ADAM12: variants seen among roughly 807,000 people sequenced by gnomAD.
The protein encoded by ADAM12 is ADAM metallopeptidase domain 12, also known as disintegrin and metalloproteinase domain-containing protein 12.
A neutral mutation model predicts 106.4 loss-of-function variants in ADAM12; 70 were observed. The ratio of observed to expected loss-of-function variants is 0.66; its 90% CI spans 0.54 to 0.80. ADAM12 has a LOEUF of 0.80. ADAM12 is among the 30% of genes least tolerant of loss of function. The pLI is 0.00. For synonymous variants in ADAM12, 420 were observed against 433.5 expected (o/e 0.97, Z 0.39); for missense variants, 1,010 against 1,171.9 (o/e 0.86, Z 2.02).
At chr10:126,094,577 G>A (rs973802024) in intron 10 of ADAM12, among the ~76,000 whole-genome samples, 3 of 152,174 alleles carry the variant, frequency 2.0e-5, no homozygotes, top group East Asian at 1.9e-4. Flanking sequence ...GTGCAAGCAC[G>A]CTTAATGACA....
chr10:126,222,557 C>T (rs1958114550), intron 3 of ADAM12, among the ~76,000 whole-genome samples: 1 of 151,396 alleles, frequency 6.6e-6, no homozygotes, highest in Admixed American at 6.6e-5. Context: ...GGCCCCAGAA[C>T]CGAGCACGCC....
intron 1 of ADAM12, among the ~76,000 whole-genome samples, chr10:126,334,658 C>T (rs1412800688): frequency 6.6e-6 from 1 of 152,168 alleles, no homozygotes; most frequent in Non-Finnish European, 1.5e-5. Context: ...ACTCCAGATC[C>T]TCCCCTCATG....
intron 4 of ADAM12, among the ~76,000 whole-genome samples, chr10:126,151,534 C>T (rs891691894): frequency 7.9e-5 from 12 of 152,066 alleles, no homozygotes; most frequent in East Asian, 1.9e-4. Context: ...TTTGCAACTA[C>T]GTCCATAATT....
chr10:126,125,959 G>T (rs1832372414), intron 5 of ADAM12, among the ~76,000 whole-genome samples: 1 of 151,998 alleles, frequency 6.6e-6, no homozygotes, highest in African/African-American at 2.4e-5. Flanking sequence ...CGAGGAGGGA[G>T]ATGTGGGAGG....
chr10:126,161,542 C>T (rs1365218529), intron 3 of ADAM12, among the ~76,000 whole-genome samples: 1 of 152,188 alleles, frequency 6.6e-6, no homozygotes, highest in Admixed American at 6.5e-5. Context: ...CAGATGAATA[C>T]GTGAAAGAAT....
intron 21 of ADAM12, among the ~76,000 whole-genome samples, chr10:126,025,337 T>G (rs1278395349): frequency 6.6e-6 from 1 of 152,116 alleles, no homozygotes; most frequent in Non-Finnish European, 1.5e-5. Flanking sequence ...CAAAATAGTT[T>G]AGAGAGGAAC....
chr10:126,348,797 T>C (rs12359675), intron 1 of ADAM12, among the ~76,000 whole-genome samples: 24,634 of 152,204 alleles, frequency 0.16, 2,238 homozygotes, highest in Middle Eastern at 0.28. Flanking sequence ...AATCAAAATA[T>C]AGAACTTCCA....
chr10:126,132,529 C>T (rs575746973), intron 5 of ADAM12, among the ~76,000 whole-genome samples: 1 of 140,416 alleles, frequency 7.1e-6, no homozygotes, highest in Non-Finnish European at 1.6e-5. Context: ...TGAACACCCC[C>T]CCCCCCTCAA....
At chr10:126,380,822 A>G (rs1375590022) in intron 1 of ADAM12, among the ~76,000 whole-genome samples, 1 of 152,198 alleles carries the variant, frequency 6.6e-6, no homozygotes, top group African/African-American at 2.4e-5. Context: ...GCACACAGCC[A>G]AAGGGTTGTA....
intron 3 of ADAM12, among the ~76,000 whole-genome samples, chr10:126,171,794 T>G (rs1165332111): frequency 6.6e-6 from 1 of 152,238 alleles, no homozygotes; most frequent in Non-Finnish European, 1.5e-5. Context: ...AGAAGAATAC[T>G]TCCTGTAAAA....
At chr10:126,035,738 C>G (rs1393530177) in intron 21 of ADAM12, among the ~76,000 whole-genome samples, 1 of 152,074 alleles carries the variant, frequency 6.6e-6, no homozygotes, top group African/African-American at 2.4e-5. Flanking sequence ...TGGTATAGTT[C>G]TTGTAAATAA....
At chr10:126,211,317 G>A (rs757983546) in intron 3 of ADAM12, among the ~76,000 whole-genome samples, 5 of 152,150 alleles carry the variant, frequency 3.3e-5, no homozygotes, top group East Asian at 1.9e-4. Context: ...CTAGGCAGGC[G>A]GCATACCCCA....
At chr10:126,024,172 C>T (rs145405056) in intron 21 of ADAM12, among the ~76,000 whole-genome samples, 182 of 152,176 alleles carry the variant, frequency 1.2e-3, no homozygotes, top group African/African-American at 3.1e-3. Context: ...GTTTAAAACA[C>T]GAAACACTAT....
At position 126,043,234 on chromosome 10, in the gene ADAM12, GC is replaced by G. The variant is rs71309277; in HGVS notation, c.1996-87del. On this transcript the variant is annotated intron_variant, in intron 17 of 22. Transcript: ENST00000448723. The surrounding 1 kb of genome is among the most constrained non-coding windows in gnomAD (Gnocchi z 4.1). ...AGAAGCAAGGGGGGCCATGGTCAGA[GC>G]CCCCCCCCAACACTGACACAGCCAG... is the stretch of plus-strand genomic sequence containing the variant. 0.12 allele frequency: 147,024 copies of G among 1,202,720 alleles called. 9,976 individuals carry two copies. Among genetic ancestry groups the G allele is most frequent in the Middle Eastern group, 0.21 (1,064 of 5,002 alleles). The allele number at this position is 1,202,720 out of a possible 1,614,324, so 74.5% of individuals were successfully genotyped here.
intron 4 of ADAM12, among the ~76,000 whole-genome samples, chr10:126,154,003 C>T (rs1322418281): frequency 1.3e-5 from 2 of 152,208 alleles, no homozygotes; most frequent in African/African-American, 4.8e-5. Flanking sequence ...TCCTCCCAGC[C>T]CCCATCCCTG....
intron 19 of ADAM12, 114 bp downstream of exon 19, chr10:126,039,180 C>A: frequency 7.7e-7 from 1 of 1,300,646 alleles, no homozygotes. Flanking sequence ...ATCTCCTGAC[C>A]TCGTGATCCG....
At chr10:126,042,160 G>A (rs746001924) in intron 18 of ADAM12, 25 of 1,613,690 alleles carry the variant, frequency 1.5e-5, no homozygotes, top group East Asian at 2.2e-5. Context: ...GGCAGTAGAC[G>A]CATGCTCCTG....
At chr10:126,176,930 C>T (rs999257717) in intron 3 of ADAM12, among the ~76,000 whole-genome samples, 1 of 152,110 alleles carries the variant, frequency 6.6e-6, no homozygotes, top group Non-Finnish European at 1.5e-5. Flanking sequence ...CAGAAAAGGG[C>T]TCCCTTCATT....
chr10:126,175,322 A>C (rs1040190384), intron 3 of ADAM12, among the ~76,000 whole-genome samples: 1 of 152,228 alleles, frequency 6.6e-6, no homozygotes, highest in African/African-American at 2.4e-5. Context: ...CACCTCCACA[A>C]TGGCCTGCCT....
Sources: allele counts gnomAD v4.1 joint callset (sites outside exome capture counted in the v4.1 genomes callset), GRCh38; gene constraint gnomAD v4.1.1; non-coding constraint Gnocchi (gnomAD v3.1); transcripts MANE v1.5; gene names NCBI Gene and HGNC (gene_info 2026-07-23, HGNC 2026-07-21).